The following FBN2 variants were observed in gnomAD, a reference collection of about 807,000 sequenced individuals.
FBN2 encodes fibrillin-2.
A neutral mutation model predicts 355.6 loss-of-function variants in FBN2; 105 were observed. The observed-to-expected ratio is 0.30, with a 90% CI of 0.25 to 0.35. FBN2 has a LOEUF of 0.35. FBN2 is among the 10% of genes least tolerant of loss of function. The probability of loss-of-function intolerance (pLI) is 1.00; values close to 1 mark genes in which losing one functional copy is unlikely to be tolerated. For synonymous variants in FBN2, 1,350 were observed against 1,301.2 expected (o/e 1.04, Z -0.81); for missense variants, 3,280 against 3,758.7 (o/e 0.87, Z 3.33).
intron 9 of FBN2, 135 bp from the exon 10 acceptor site, chr5:128,393,503 C>T (rs1752575446): frequency 1.4e-6 from 1 of 706,118 alleles, no homozygotes; most frequent in Admixed American, 2.4e-5. Flanking sequence ...TATCTCAATA[C>T]ATGTTTTTAA....
chr5:128,519,258 C>T lies in FBN2; in HGVS notation c.628+15G>A, dbSNP rs1244250569. On this transcript the variant is annotated intron_variant, in intron 5 of 64. Transcript: ENST00000262464. ...TAGACTTCTTCAGAAAGTAAAGTCT[C>T]ATTTCTCTTCTTACCTCTTTCACAC... The T allele has an allele frequency of 6.3e-7, 1 of 1,575,674 alleles. No individual in the cohort carries two copies. Among genetic ancestry groups the T allele is most frequent in the Non-Finnish European group, 8.7e-7 (1 of 1,145,144 alleles).
intron 34 of FBN2, 193 bp downstream of exon 34, chr5:128,328,503 A>G (rs1040085543): frequency 2.9e-6 from 2 of 687,266 alleles, no homozygotes; most frequent in African/African-American, 3.5e-5. Flanking sequence ...GGCCAGGAAA[A>G]CTTCATAAGA....
intron 5 of FBN2, among the ~76,000 whole-genome samples, chr5:128,475,579 C>T (rs1215828171): frequency 6.6e-6 from 1 of 151,916 alleles, no homozygotes. Context: ...GAAAAAATAT[C>T]CTAAGTTTAA....
At chr5:128,519,725 T>C (rs187044602) in intron 4 of FBN2, among the ~76,000 whole-genome samples, 27 of 151,770 alleles carry the variant, frequency 1.8e-4, no homozygotes, top group African/African-American at 6.5e-4. Flanking sequence ...ATAATCTATA[T>C]TTTCACTGGT....
Position 128,351,148 on chromosome 5 carries a change from T to C in FBN2, c.2675-143A>G, listed in dbSNP as rs1184779524. 5.1e-6 allele frequency: 5 copies of C among 985,356 alleles called. No individual in the cohort carries two copies. The South Asian group carries it at 6.9e-5, about 14-fold the overall frequency. 61.0% of individuals were successfully genotyped at this position (985,356 alleles called of 1,614,324 possible). A position where few individuals can be genotyped will look rare whatever the true frequency, so the allele number is the denominator to read the frequency against. Reference sequence around the variant, plus strand: ...CTGTAATCCCAGCACTTTGGGAGGCTGAGGAGGAAGGATCATTTGAGCCCA... The same window carrying C: ...CTGTAATCCCAGCACTTTGGGAGGCCGAGGAGGAAGGATCATTTGAGCCCA... On this transcript the variant is annotated intron_variant, in intron 20 of 64. Transcript: ENST00000262464.
chr5:128,311,245 G>A lies in FBN2; in HGVS notation c.5074+55C>T. ...GGATGGGCCTTTCCCTCAGGCCTCA[G>A]CAGCCATTTTGTTTTAAACAGCACT... is the stretch of plus-strand genomic sequence containing the variant. On this transcript the variant is annotated intron_variant, in intron 39 of 64. Transcript: ENST00000262464. 4 of 1,602,510 alleles carry A rather than the reference G, an allele frequency of 2.5e-6. No individual in the cohort carries two copies. The South Asian group carries it at 4.4e-5, about 18-fold the overall frequency.
At chr5:128,293,935 C>T (rs964546302) in intron 48 of FBN2, among the ~76,000 whole-genome samples, 12 of 151,936 alleles carry the variant, frequency 7.9e-5, no homozygotes, top group Admixed American at 2.6e-4. Context: ...GTGCTGCACC[C>T]ACTAACTCGT....
chr5:128,278,307 C>T (rs1765446954), intron 57 of FBN2, among the ~76,000 whole-genome samples: 1 of 152,110 alleles, frequency 6.6e-6, no homozygotes, highest in Non-Finnish European at 1.5e-5. Flanking sequence ...CCTCAAAGTC[C>T]ATCCCTTAAA....
At chr5:128,438,748 C>G (rs1753841455) in intron 7 of FBN2, among the ~76,000 whole-genome samples, 1 of 152,096 alleles carries the variant, frequency 6.6e-6, no homozygotes, top group Non-Finnish European at 1.5e-5. Context: ...AAAAAAACTG[C>G]CAAATAAATG....
chr5:128,358,940 ATATGTTGT>A (rs1183852947), intron 19 of FBN2, among the ~76,000 whole-genome samples: 2 of 152,048 alleles, frequency 1.3e-5, no homozygotes, highest in African/African-American at 4.8e-5. Flanking sequence ...CCTTTAAATA[ATATGTTGT>A]TATGTTATAA....
chr5:128,455,990 CAAAAAA>C (rs70997371), intron 6 of FBN2, among the ~76,000 whole-genome samples: 56 of 25,268 alleles, frequency 2.2e-3, no homozygotes, highest in Admixed American at 3.1e-3. Context: ...GGGTTAGCAA[CAAAAAA>C]AAAAAAAAAA....
intron 5 of FBN2, among the ~76,000 whole-genome samples, chr5:128,468,324 T>C (rs1754768829): frequency 6.6e-6 from 1 of 152,354 alleles, no homozygotes; most frequent in Middle Eastern, 3.4e-3. Flanking sequence ...ACTACATCTG[T>C]TAACCAGTCT....
chr5:128,374,954 G>GA (rs998069656), intron 14 of FBN2, among the ~76,000 whole-genome samples: 4 of 151,400 alleles, frequency 2.6e-5, no homozygotes, highest in African/African-American at 7.3e-5. Flanking sequence ...ACCTACTGAG[G>GA]AAAAAAAAGC....
At chr5:128,531,927 C>T (rs931486917) in intron 2 of FBN2, among the ~76,000 whole-genome samples, 4 of 152,136 alleles carry the variant, frequency 2.6e-5, no homozygotes, top group Non-Finnish European at 4.4e-5. Context: ...TACAGGTTGT[C>T]TCTTTCATTA....
chr5:128,350,126 A>C, intron 21 of FBN2, 121 bp from the exon 22 acceptor site: 1 of 813,622 alleles, frequency 1.2e-6, no homozygotes, highest in Non-Finnish European at 2.1e-6. Context: ...GCAGGGTCTT[A>C]GGGTCCAAGG....
chr5:128,419,467 T>A (rs1179620147), intron 7 of FBN2, among the ~76,000 whole-genome samples: 1 of 152,188 alleles, frequency 6.6e-6, no homozygotes, highest in Non-Finnish European at 1.5e-5. Flanking sequence ...TCTATAAAGT[T>A]GAGTACGTTC....
In FBN2 at chr5:128,453,649, CT is replaced by C. The variant is rs894188896; in HGVS notation, c.827-7044del. On this transcript the variant is annotated intron_variant, in intron 6 of 64. Coordinates refer to ENST00000262464, the MANE Select transcript of FBN2 (RefSeq NM_001999.4). Reference sequence around the variant, plus strand: ...GTTTTCTTTTTTTGTTGTTGGTTTTCTTTTTTTTCAGTTTTTATATGCAGGC... The same window carrying C: ...GTTTTCTTTTTTTGTTGTTGGTTTTCTTTTTTTCAGTTTTTATATGCAGGC... Among the ~76,000 whole-genome samples, 154 of 151,742 alleles carry C rather than the reference CT, an allele frequency of 1.0e-3. 1 individual carries two copies. Among genetic ancestry groups the C allele is most frequent in the African/African-American group, 3.5e-3 (144 of 41,396 alleles).
rs374374939 is a variant in FBN2, at chr5:128,336,318, T to C, written c.3599-205A>G. On this transcript the variant is annotated intron_variant, in intron 27 of 64. Transcript: ENST00000262464. ...TGTTGAGTAAAGCTTTCTACAATGA[T>C]GCAACTGCTCCCAAATCTATGCGGT... Among the ~76,000 whole-genome samples the C allele has an allele frequency of 1.3e-5, 2 of 152,238 alleles. 1 individual carries two copies. Among genetic ancestry groups the C allele is most frequent in the South Asian group, 4.1e-4 (2 of 4,830 alleles).
chr5:128,377,504 A>G (rs567646567), intron 13 of FBN2, among the ~76,000 whole-genome samples: 4 of 152,028 alleles, frequency 2.6e-5, no homozygotes, highest in Non-Finnish European at 4.4e-5. Flanking sequence ...AAATTTTTAG[A>G]AGCAGTAAAT....
Sources: gnomAD v4.1 joint callset for allele counts (sites outside exome capture counted in the v4.1 genomes callset) on GRCh38, gnomAD v4.1.1 for gene constraint, MANE v1.5 for transcripts, NCBI Gene and HGNC (gene_info 2026-07-23, HGNC 2026-07-21) for gene names.